RERE: variants seen among roughly 807,000 people sequenced by gnomAD.
RERE encodes arginine-glutamic acid dipeptide repeats protein.
In RERE, 40 loss-of-function variants were observed where a neutral mutation model predicts 146.1. The ratio of observed to expected loss-of-function variants is 0.27; its 90% confidence interval spans 0.21 to 0.36. The LOEUF (loss-of-function observed/expected upper bound fraction) is 0.36. Ranked by LOEUF, RERE falls within the 10% of genes least tolerant of loss-of-function variation. The pLI is 1.00. For synonymous variants in RERE, 1,003 were observed against 866.0 expected (o/e 1.16, Z -2.78); for missense variants, 1,933 against 2,138.7 (o/e 0.90, Z 1.90).
In RERE at chr1:8,364,323, G is replaced by A. The variant is rs1267632844; in HGVS notation, c.1541-68C>T. The A allele has an allele frequency of 2.8e-6, 4 of 1,448,276 alleles. No homozygotes were observed. Among genetic ancestry groups the A allele is most frequent in the Non-Finnish European group, 3.9e-6 (4 of 1,033,600 alleles). The allele number at this position is 1,448,276 out of a possible 1,614,324, so 89.7% of individuals were successfully genotyped here. A position where few individuals can be genotyped will look rare whatever the true frequency, so the allele number is the denominator to read the frequency against. On this transcript the variant is annotated intron_variant, in intron 14 of 22. Coordinates refer to ENST00000400908, the MANE Select transcript of RERE (RefSeq NM_001042681.2). The surrounding 1 kb of genome is among the most constrained non-coding windows in gnomAD (Gnocchi z 5.1). The stretch of plus-strand genomic sequence containing the variant: ...CTCTCCCTGGGGATGTCTGGGCAGA[G>A]GGGCCCTTCTGTGGGCTCTACCCAA...
chr1:8,661,674 A>AG (rs1638460437), intron 1 of RERE, among the ~76,000 whole-genome samples: 1 of 152,092 alleles, frequency 6.6e-6, no homozygotes, highest in Non-Finnish European at 1.5e-5. Flanking sequence ...TGAGAGAGAG[A>AG]GGGAAAAAAG....
intron 7 of RERE, among the ~76,000 whole-genome samples, chr1:8,513,337 T>A (rs1450878550): frequency 1.3e-5 from 2 of 152,236 alleles, no homozygotes; most frequent in Non-Finnish European, 2.9e-5. Context: ...TTTATGTTTT[T>A]GCAAATCTCA....
intron 1 of RERE, among the ~76,000 whole-genome samples, chr1:8,783,228 G>T (rs931865187): frequency 6.6e-6 from 1 of 152,020 alleles, no homozygotes. Context: ...CCATCTACTT[G>T]GGAGGCTGAG....
chr1:8,494,465 G>A (rs565243621), intron 10 of RERE, among the ~76,000 whole-genome samples: 156 of 152,188 alleles, frequency 1.0e-3, no homozygotes, highest in Non-Finnish European at 1.7e-3. Flanking sequence ...GGTGGCTCAC[G>A]CCTGTAATCC....
rs990841072 is a variant in RERE at position 8,363,506 on chromosome 1, C to A, written c.1740+550G>T. On this transcript the variant is annotated intron_variant, in intron 15 of 22. Transcript: ENST00000400908. ...GGTCCCACCCACCTGCCAGAAGGGGCCATAAGGGAGGCTGAAGGGAAAGAC... is the reference window on the plus strand; with the variant it reads ...GGTCCCACCCACCTGCCAGAAGGGGACATAAGGGAGGCTGAAGGGAAAGAC... Among the ~76,000 whole-genome samples the A allele has an allele frequency of 2.0e-5, 3 of 152,092 alleles. No homozygotes were observed. In the South Asian group the frequency reaches 6.2e-4, roughly 32 times the overall value.
intron 1 of RERE, among the ~76,000 whole-genome samples, chr1:8,747,814 C>T (rs1236064024): frequency 1.3e-5 from 2 of 152,050 alleles, no homozygotes; most frequent in African/African-American, 4.8e-5. Flanking sequence ...CTCTGTCGCC[C>T]GCGCTGGAGT....
At chr1:8,525,778 C>T in intron 7 of RERE, 1 of 1,599,692 alleles carries the variant, frequency 6.3e-7, no homozygotes, top group Non-Finnish European at 8.5e-7. Flanking sequence ...CTGAATGGAT[C>T]ATCCATGACT....
intron 1 of RERE, among the ~76,000 whole-genome samples, chr1:8,731,100 G>C (rs531040783): frequency 2.0e-5 from 3 of 152,248 alleles, no homozygotes; most frequent in African/African-American, 7.2e-5. Context: ...AGAAGCAAAA[G>C]CTACATGAAC....
chr1:8,754,672 T>C (rs1199845407), intron 1 of RERE, among the ~76,000 whole-genome samples: 1 of 152,222 alleles, frequency 6.6e-6, no homozygotes, highest in Non-Finnish European at 1.5e-5. Context: ...ATTATGCTGA[T>C]GAAGTAGAAG....
chr1:8,775,786 A>G (rs1266148329), intron 1 of RERE, among the ~76,000 whole-genome samples: 2 of 152,206 alleles, frequency 1.3e-5, no homozygotes, highest in African/African-American at 2.4e-5. Flanking sequence ...TTCATCACTT[A>G]AGCTTTGCAT....
At chr1:8,603,407 C>G (rs991907881) in intron 4 of RERE, among the ~76,000 whole-genome samples, 4 of 152,152 alleles carry the variant, frequency 2.6e-5, no homozygotes, top group African/African-American at 9.7e-5. Context: ...GGAATCCAGC[C>G]GTCTACACAA....
intron 1 of RERE, among the ~76,000 whole-genome samples, chr1:8,795,597 A>G (rs900647122): frequency 6.6e-6 from 1 of 152,180 alleles, no homozygotes; most frequent in African/African-American, 2.4e-5. Flanking sequence ...AATGGACTCT[A>G]GGTCTTCTCA....
intron 1 of RERE, among the ~76,000 whole-genome samples, chr1:8,791,905 TATC>T (rs975878560): frequency 4.6e-5 from 7 of 152,136 alleles, no homozygotes; most frequent in Non-Finnish European, 1.0e-4. Flanking sequence ...TCCCAGAATT[TATC>T]ATCAACAGAA....
rs765562441 is a variant in RERE at position 8,542,995 on chromosome 1, CAAAT to C, written c.726-1681_726-1678del. On this transcript the variant is annotated intron_variant, in intron 6 of 22. Transcript: ENST00000400908. ...AATTTAAAATTTTATTTGATCTTAA[CAAAT>C]AAATTATTTGATCTTATGTAAATCT... 1.6e-3 allele frequency among the ~76,000 whole-genome samples: 246 copies of C among 152,236 alleles called. 4 individuals carry two copies. The East Asian group carries it at 0.017, about 11-fold the overall frequency.
In RERE at chr1:8,497,495, G is replaced by A. The variant is rs541684143; in HGVS notation, c.914C>T (p.Pro305Leu). 1 of 1,614,098 alleles carries A rather than the reference G, an allele frequency of 6.2e-7. No individual in the cohort carries two copies. Among genetic ancestry groups the A allele is most frequent in the Admixed American group, 1.7e-5 (1 of 60,022 alleles). ...KLPDLQPFPS[P>L]DGDTVTQHEE... ...ATGTTGGGTCACTGTATCACCATCTGGAGAAGGAAATGGTTGCAGATCTGG... is the reference window on the plus strand; with the variant it reads ...ATGTTGGGTCACTGTATCACCATCTAGAGAAGGAAATGGTTGCAGATCTGG... The change falls in exon 9 of 23, where the codon CCA becomes CTA. Residue 305 changes from proline (P) to leucine (L), a missense_variant. By Grantham distance (98) the Pro-to-Leu change is moderately conservative. Around this residue, in one of 11 missense-constraint regions of RERE, gnomAD observed 260 missense variants for 378.4 expected, o/e 0.69. Transcript: ENST00000400908.
intron 1 of RERE, among the ~76,000 whole-genome samples, chr1:8,773,908 T>C (rs565264600): frequency 1.3e-5 from 2 of 152,236 alleles, no homozygotes; most frequent in South Asian, 4.2e-4. Flanking sequence ...GAAGGGGAAA[T>C]GTCACAAAAG....
At position 8,501,059 on chromosome 1, in the gene RERE, G is replaced by A. The variant is rs1434003218; in HGVS notation, c.880-3530C>T. On this transcript the variant is annotated intron_variant, in intron 8 of 22. Transcript: ENST00000400908. ...GGGGGGGGGGGTCAGCCCCCCGCCC[G>A]GCCAGCCGCCCCGTCCGGGAGGTGA... is the stretch of plus-strand genomic sequence containing the variant. Among the ~76,000 whole-genome samples, 8 of 76,304 alleles carry A rather than the reference G, an allele frequency of 1.0e-4. No individual in the cohort carries two copies. In the East Asian group the frequency reaches 1.2e-3, roughly 11 times the overall value. The allele number at this position is 76,304 out of a possible 152,430, so 50.1% of individuals were successfully genotyped here.
At chr1:8,705,979 G>A (rs1639551715) in intron 1 of RERE, among the ~76,000 whole-genome samples, 1 of 151,896 alleles carries the variant, frequency 6.6e-6, no homozygotes, top group African/African-American at 2.4e-5. Flanking sequence ...AGCCGGGCGT[G>A]GTGGCGGCCA....
chr1:8,733,646 G>C (rs940748227), intron 1 of RERE, among the ~76,000 whole-genome samples: 13 of 152,172 alleles, frequency 8.5e-5, no homozygotes, highest in African/African-American at 2.9e-4. Flanking sequence ...GTTGCAATTG[G>C]ATCCTCCAGG....
Sources: allele counts gnomAD v4.1 joint callset (sites outside exome capture counted in the v4.1 genomes callset), GRCh38; gene constraint gnomAD v4.1.1; regional missense constraint gnomAD v4.1.1; non-coding constraint Gnocchi (gnomAD v3.1); transcripts MANE v1.5; gene names NCBI Gene and HGNC (gene_info 2026-07-23, HGNC 2026-07-21).